Variants in RIN2 observed in about 807,000 individuals in gnomAD.
RIN2 encodes the protein Ras and Rab interactor 2, also known as RAB5 interacting protein 2.
RIN2 carries 36 observed loss-of-function variants against 78.0 expected under a neutral mutation model. The observed-to-expected ratio is 0.46, with a 90% CI of 0.35 to 0.61. The LOEUF (loss-of-function observed/expected upper bound fraction) is 0.61. Among genes scored for constraint, RIN2 ranks in the 20% least tolerant of loss-of-function variants. The probability of loss-of-function intolerance (pLI) is 0.00; values close to 1 mark genes in which losing one functional copy is unlikely to be tolerated. For synonymous variants in RIN2, 466 were observed against 466.8 expected (o/e 1.00, Z 0.02); for missense variants, 1,087 against 1,159.7 (o/e 0.94, Z 0.91).
intron 3 of RIN2, among the ~76,000 whole-genome samples, chr20:19,899,094 C>T (rs8115917): frequency 0.35 from 53,852 of 151,994 alleles, 9,489 homozygotes; most frequent in Admixed American, 0.37. Context: ...ATGGCTTATT[C>T]CCAGCCACTT....
At position 19,992,033 on chromosome 20, in the gene RIN2, A is replaced by G. The variant is rs6112701; in HGVS notation, c.2069-135A>G. 781 of 1,004,266 alleles carry G rather than the reference A, an allele frequency of 7.8e-4. 5 individuals carry two copies. In the African/African-American group the frequency reaches 0.012, roughly 15 times the overall value. The allele number at this position is 1,004,266 out of a possible 1,614,324, so 62.2% of individuals were successfully genotyped here. ...GTCAGAGGCTACATAGGATTCCAGA[A>G]ACACTCACCTCTGTTTATAAATAGC... On this transcript the variant is annotated intron_variant, in intron 10 of 12. Transcript: ENST00000255006.
Position 19,995,205 on chromosome 20 carries a change from C to T in RIN2, c.2201-1474C>T, listed in dbSNP as rs529837992. Reference sequence around the variant, plus strand: ...TGACACTTCTGCACAAAACTCATTTCGCCAAACTAACTTCTGGTCCCTGCA... The same window carrying T: ...TGACACTTCTGCACAAAACTCATTTTGCCAAACTAACTTCTGGTCCCTGCA... On this transcript the variant is annotated intron_variant, in intron 11 of 12. Coordinates refer to ENST00000255006, the MANE Select transcript of RIN2 (RefSeq NM_018993.4). 7.4e-4 allele frequency among the ~76,000 whole-genome samples: 111 copies of T among 149,090 alleles called. 2 individuals are homozygous for T. In the Middle Eastern group the frequency reaches 0.01, roughly 14 times the overall value.
chr20:19,858,611 T>C (rs1212017626), intron 2 of RIN2, among the ~76,000 whole-genome samples: 1 of 152,222 alleles, frequency 6.6e-6, no homozygotes, highest in Non-Finnish European at 1.5e-5. Flanking sequence ...CTAGAGACCA[T>C]CATTTTCCTT....
intron 1 of RIN2, among the ~76,000 whole-genome samples, chr20:19,770,175 T>C (rs1052313113): frequency 6.6e-6 from 1 of 152,214 alleles, no homozygotes; most frequent in African/African-American, 2.4e-5. Context: ...TAAGACTTCA[T>C]ATTTCACAAG....
chr20:19,964,774 C>T lies in RIN2; in HGVS notation c.464-178C>T, dbSNP rs192732151. ...GTCAAGCGATGAACTTCCAGATCATCGACTGTTTACCGGTGGCTGCTGGCT... is the reference window on the plus strand; with the variant it reads ...GTCAAGCGATGAACTTCCAGATCATTGACTGTTTACCGGTGGCTGCTGGCT... On this transcript the variant is annotated intron_variant, in intron 6 of 12. Coordinates refer to ENST00000255006, the MANE Select transcript of RIN2 (RefSeq NM_018993.4). 9.9e-5 allele frequency among the ~76,000 whole-genome samples: 15 copies of T among 152,282 alleles called. No individual in the cohort carries two copies. The South Asian group carries it at 1.2e-3, about 13-fold the overall frequency.
chr20:19,946,516 G>A (rs1163555724), intron 4 of RIN2, among the ~76,000 whole-genome samples: 9 of 152,016 alleles, frequency 5.9e-5, no homozygotes, highest in African/African-American at 1.7e-4. Context: ...CCAGGAGTTC[G>A]AGACCAGCAT....
intron 2 of RIN2, among the ~76,000 whole-genome samples, chr20:19,847,440 G>T (rs975293028): frequency 6.6e-6 from 1 of 152,152 alleles, no homozygotes; most frequent in African/African-American, 2.4e-5. Flanking sequence ...ATGCATAAAC[G>T]TGCATGCAGT....
rs57730958 is a variant in RIN2 at position 19,823,390 on chromosome 20, T to TC, written c.-37+23643_-37+23644insC. ...GGTGGTAACATCTGCTCTGCCTGCT[T>TC]TTTTTTTTTTCTTTTTTTGTCAAAT... On this transcript the variant is annotated intron_variant, in intron 2 of 12. Coordinates refer to ENST00000255006, the MANE Select transcript of RIN2 (RefSeq NM_018993.4). 3,711 of 614,580 alleles carry TC rather than the reference T, an allele frequency of 6.0e-3. 95 individuals carry two copies. In the African/African-American group the frequency reaches 0.075, roughly 12 times the overall value. The allele number at this position is 614,580 out of a possible 1,614,324, so 38.1% of individuals were successfully genotyped here.
At chr20:19,860,676 C>T (rs1183055973) in intron 2 of RIN2, among the ~76,000 whole-genome samples, 1 of 152,150 alleles carries the variant, frequency 6.6e-6, no homozygotes. Context: ...CTCTTGGGAC[C>T]CTTGTGTTTC....
intron 2 of RIN2, among the ~76,000 whole-genome samples, chr20:19,851,038 G>GAAGGAAGGAGA (rs2036953910): frequency 1.1e-5 from 1 of 88,376 alleles, no homozygotes; most frequent in Non-Finnish European, 2.4e-5. Flanking sequence ...AGGAAGGAAG[G>GAAGGAAGGAGA]AAGGAAGGAA....
chr20:19,866,671 C>T lies in RIN2; in HGVS notation c.-36-22895C>T, dbSNP rs182742347. Among the ~76,000 whole-genome samples, 42 of 152,220 alleles carry T rather than the reference C, an allele frequency of 2.8e-4. No homozygotes were observed. The East Asian group carries it at 3.9e-3, about 14-fold the overall frequency. The stretch of plus-strand genomic sequence containing the variant: ...ACAGAGTCTTCCTGTGTCACCCAGG[C>T]GGGAGTGCAGTGGCATGATCTCAGC... On this transcript the variant is annotated intron_variant, in intron 2 of 12. Transcript: ENST00000255006.
intron 3 of RIN2, among the ~76,000 whole-genome samples, chr20:19,890,449 G>C (rs1449941982): frequency 2.6e-5 from 4 of 152,038 alleles, no homozygotes; most frequent in African/African-American, 2.4e-5. Context: ...GTTTAAAAAG[G>C]TAGAAAAATG....
Position 20,001,043 on chromosome 20 carries a change from C to T in RIN2, c.*107C>T. The stretch of plus-strand genomic sequence containing the variant: ...AAAGCAGTCACCTCCTCGGGGACCC[C>T]TCAGTGTAGTGACTAAGCCATCCAC... On this transcript the variant is annotated 3_prime_UTR_variant, in exon 13 of 13. Transcript: ENST00000255006. The T allele has an allele frequency of 9.1e-7, 1 of 1,094,240 alleles. No homozygotes were observed. Among genetic ancestry groups the T allele is most frequent in the Non-Finnish European group, 1.3e-6 (1 of 778,042 alleles). 67.8% of individuals were successfully genotyped at this position (1,094,240 alleles called of 1,614,324 possible). A position where few individuals can be genotyped will look rare whatever the true frequency, so the allele number is the denominator to read the frequency against.
Position 20,000,844 on chromosome 20 carries a change from C to T in RIN2, c.2596C>T (p.Pro866Ser), listed in dbSNP as rs771361802. The T allele has an allele frequency of 6.2e-7, 1 of 1,613,858 alleles. No homozygotes were observed. The highest frequency in any genetic ancestry group is 2.2e-5 in the East Asian group (1 of 44,894). Reference protein sequence around the residue: ...IKAELHSRPQPHIFHFVYKRI... With the variant: ...IKAELHSRPQSHIFHFVYKRI... ...GGCGGAGCTGCACAGCCGACCACAGCCCCACATCTTCCACTTTGTCTACAA... is the reference window on the plus strand; with the variant it reads ...GGCGGAGCTGCACAGCCGACCACAGTCCCACATCTTCCACTTTGTCTACAA... The change falls in exon 13 of 13, where the codon CCC (proline) becomes TCC (serine). Residue 866 changes from proline (P) to serine (S), a missense_variant. By Grantham distance (74) the Pro-to-Ser change is moderately conservative. This residue lies in a region of RIN2 where 160 missense variants were observed against 179.4 expected (regional missense o/e 0.89). Transcript: ENST00000255006.
chr20:19,877,967 C>G (rs941428225), intron 2 of RIN2, among the ~76,000 whole-genome samples: 3 of 152,108 alleles, frequency 2.0e-5, no homozygotes, highest in African/African-American at 7.2e-5. Context: ...CTGCAGTAAG[C>G]CATGATTATG....
At chr20:19,923,232 A>G (rs2040000335) in intron 3 of RIN2, among the ~76,000 whole-genome samples, 1 of 151,878 alleles carries the variant, frequency 6.6e-6, no homozygotes, top group Non-Finnish European at 1.5e-5. Context: ...CCTGGCCAGT[A>G]TGTTGAAACC....
intron 3 of RIN2, among the ~76,000 whole-genome samples, chr20:19,914,385 C>T (rs952297681): frequency 3.9e-5 from 6 of 152,258 alleles, no homozygotes; most frequent in East Asian, 1.9e-4. Context: ...TGTCTGCACA[C>T]GCTCTGCATT....
chr20:19,953,215 T>C (rs2146218082), intron 4 of RIN2, among the ~76,000 whole-genome samples: 1 of 152,272 alleles, frequency 6.6e-6, no homozygotes, highest in Admixed American at 6.5e-5. Flanking sequence ...CTCGGCTCAC[T>C]GCAACCTCCA....
intron 1 of RIN2, among the ~76,000 whole-genome samples, chr20:19,765,940 G>A (rs963751286): frequency 6.6e-6 from 1 of 152,032 alleles, no homozygotes; most frequent in African/African-American, 2.4e-5. Context: ...AGGGAAGGAG[G>A]GACAGCCAGT....
Sources: allele counts gnomAD v4.1 joint callset (sites outside exome capture counted in the v4.1 genomes callset), GRCh38; gene constraint gnomAD v4.1.1; regional missense constraint gnomAD v4.1.1; transcripts MANE v1.5; gene names NCBI Gene and HGNC (gene_info 2026-07-23, HGNC 2026-07-21).